Variants in STYK1 observed in about 807,000 individuals in gnomAD.
The protein encoded by STYK1 is tyrosine-protein kinase STYK1.
Under a neutral mutation model 48.1 loss-of-function variants are expected in STYK1, and 46 were observed. The ratio of observed to expected loss-of-function variants is 0.96; its 90% CI spans 0.75 to 1.22. STYK1 has a LOEUF of 1.22. Ranked by LOEUF, STYK1 falls within the 50% of genes most tolerant of loss-of-function variation. The probability of loss-of-function intolerance (pLI) is 0.00; values close to 1 mark genes in which losing one functional copy is unlikely to be tolerated. For missense variants in STYK1, 527 were observed against 521.1 expected (o/e 1.01, Z -0.11); for synonymous variants, 188 against 189.0 (o/e 0.99, Z 0.04).
intron 1 of STYK1, among the ~76,000 whole-genome samples, chr12:10,663,174 G>T (rs1947795569): frequency 6.6e-6 from 1 of 152,106 alleles, no homozygotes; most frequent in African/African-American, 2.4e-5. Flanking sequence ...GAGTGCAATG[G>T]TGTGATCAGA....
chr12:10,656,151 T>C (rs1257199310), intron 1 of STYK1, among the ~76,000 whole-genome samples: 3 of 152,268 alleles, frequency 2.0e-5, no homozygotes, highest in South Asian at 2.1e-4. Context: ...AGTGGGAGTT[T>C]CCCTGCACAA....
rs1319765447 is a variant in STYK1, at chr12:10,624,765, C to G, written c.812G>C (p.Gly271Ala). The change falls in exon 8 of 11, where the codon GGC (glycine) becomes GCC (alanine). Residue 271 changes from glycine (G) to alanine (A), a missense_variant. Transcript: ENST00000075503. ...TCGGGTGTAAACTTCATAAGCCAGG[C>G]CTAATCCACAGAGCTTAGCAGTGAG... The part of the protein sequence containing the change: ...SDLTAKLCGL[G>A]LAYEVYTRGA... The G allele has an allele frequency of 1.2e-6, 2 of 1,614,074 alleles. No individual in the cohort carries two copies. The highest frequency in any genetic ancestry group is 2.2e-5 in the South Asian group (2 of 91,074).
chr12:10,630,700 T>C (rs1465587974), intron 5 of STYK1, among the ~76,000 whole-genome samples: 1 of 151,984 alleles, frequency 6.6e-6, no homozygotes, highest in East Asian at 1.9e-4. Flanking sequence ...CCAATATCCT[T>C]TCATGATAAA....
chr12:10,622,059 G>A (rs2120589020), intron 9 of STYK1, 87 bp from the exon 10 acceptor site: 1 of 1,163,842 alleles, frequency 8.6e-7, no homozygotes, highest in Non-Finnish European at 1.3e-6. Context: ...TGGGTTGGTT[G>A]CTTGCAAAAG....
At chr12:10,646,397 G>T (rs1252365548) in intron 1 of STYK1, among the ~76,000 whole-genome samples, 1 of 152,176 alleles carries the variant, frequency 6.6e-6, no homozygotes, top group African/African-American at 2.4e-5. Context: ...GGTGGCATTT[G>T]CCCCTGCCCT....
chr12:10,642,390 A>C (rs191135054), intron 1 of STYK1, among the ~76,000 whole-genome samples: 1 of 152,318 alleles, frequency 6.6e-6, no homozygotes, highest in East Asian at 1.9e-4. Context: ...AGTGCTGCTG[A>C]TGATAACTAC....
intron 6 of STYK1, among the ~76,000 whole-genome samples, chr12:10,628,047 T>G (rs1343103655): frequency 6.6e-6 from 1 of 152,234 alleles, no homozygotes; most frequent in Non-Finnish European, 1.5e-5. Context: ...CACACATGTG[T>G]TCATGATTAA....
chr12:10,623,721 C>T (rs1369044983), intron 8 of STYK1, among the ~76,000 whole-genome samples: 1 of 152,022 alleles, frequency 6.6e-6, no homozygotes, highest in African/African-American at 2.4e-5. Flanking sequence ...GGAAAAGTAA[C>T]ATCAAAAGTC....
At chr12:10,639,446 T>C (rs1323549292) in intron 1 of STYK1, among the ~76,000 whole-genome samples, 1 of 151,986 alleles carries the variant, frequency 6.6e-6, no homozygotes, top group Non-Finnish European at 1.5e-5. Flanking sequence ...GGAGTCTCGC[T>C]GTTGTGGGCC....
intron 7 of STYK1, among the ~76,000 whole-genome samples, chr12:10,625,206 T>TTTGTTTG (rs1565558921): frequency 2.0e-4 from 29 of 145,982 alleles, no homozygotes; most frequent in Admixed American, 9.6e-4. Flanking sequence ...TTCTTTCTTT[T>TTTGTTTG]TTTGTTTGTT....
chr12:10,631,442 T>A, intron 4 of STYK1, 134 bp from the exon 5 acceptor site: 1 of 1,104,490 alleles, frequency 9.1e-7, no homozygotes, highest in Non-Finnish European at 1.3e-6. Flanking sequence ...CTTCTGATGC[T>A]TCTCTATAAA....
In STYK1 at chr12:10,627,659, C is replaced by T; in HGVS notation, c.699G>A (p.Lys233=). 6.2e-7 allele frequency: 1 copy of T among 1,613,808 alleles called. No homozygotes were observed. The highest frequency in any genetic ancestry group is 8.5e-7 in the Non-Finnish European group (1 of 1,179,902). The change falls in exon 7 of 11, where the codon AAG becomes AAA. Residue 233 remains lysine, a synonymous_variant. Coordinates refer to ENST00000075503, the MANE Select transcript of STYK1 (RefSeq NM_018423.3). ...LTEKQVYHIG[K]QVLLALEFLQ... ...ATCTTACCAGCGCCAAAAGGACCTG[C>T]TTTCCGATGTGATATACTTGTTTTT...
Position 10,646,878 on chromosome 12 carries a change from G to C in STYK1, c.-194-9682C>G, listed in dbSNP as rs945494487. Among the ~76,000 whole-genome samples, 3 of 152,236 alleles carry C rather than the reference G, an allele frequency of 2.0e-5. No homozygotes were observed. In the East Asian group the frequency reaches 5.8e-4, roughly 29 times the overall value. The stretch of plus-strand genomic sequence containing the variant: ...ACAGCTTGGGCTGTTGCTTCAGAGA[G>C]TGAAAGCCCCAAGCCTTGGCAGCTT... On this transcript the variant is annotated intron_variant, in intron 1 of 10. Coordinates refer to ENST00000075503, the MANE Select transcript of STYK1 (RefSeq NM_018423.3).
At chr12:10,648,044 G>A (rs1405804711) in intron 1 of STYK1, among the ~76,000 whole-genome samples, 1 of 152,122 alleles carries the variant, frequency 6.6e-6, no homozygotes, top group Non-Finnish European at 1.5e-5. Flanking sequence ...TAGAGATTAT[G>A]ATGATTATAA....
intron 1 of STYK1, among the ~76,000 whole-genome samples, chr12:10,649,756 A>G (rs1947639550): frequency 6.6e-6 from 1 of 152,222 alleles, no homozygotes; most frequent in Non-Finnish European, 1.5e-5. Flanking sequence ...CCAAGAGGGA[A>G]AACAATCTTC....
chr12:10,661,196 A>T (rs1428419551), intron 1 of STYK1, among the ~76,000 whole-genome samples: 1 of 152,256 alleles, frequency 6.6e-6, no homozygotes, highest in Admixed American at 6.5e-5. Flanking sequence ...AAAATTCCAG[A>T]GGAAAATCCT....
intron 1 of STYK1, among the ~76,000 whole-genome samples, chr12:10,665,415 G>A (rs910783456): frequency 3.3e-5 from 5 of 152,184 alleles, no homozygotes; most frequent in African/African-American, 9.7e-5. Flanking sequence ...TTTACTGGTG[G>A]GGGAATTAAG....
chr12:10,620,595 G>T (rs532900514), intron 10 of STYK1, among the ~76,000 whole-genome samples: 2 of 152,262 alleles, frequency 1.3e-5, no homozygotes, highest in East Asian at 1.9e-4. Flanking sequence ...CCAAACTAGG[G>T]TATGACAGGA....
chr12:10,645,307 G>T (rs890657838), intron 1 of STYK1, among the ~76,000 whole-genome samples: 1 of 152,148 alleles, frequency 6.6e-6, no homozygotes, highest in Non-Finnish European at 1.5e-5. Flanking sequence ...AATGTGTTTA[G>T]GGGGCTCTTC....
Sources: allele counts gnomAD v4.1 joint callset (sites outside exome capture counted in the v4.1 genomes callset), GRCh38; gene constraint gnomAD v4.1.1; transcripts MANE v1.5; gene names NCBI Gene and HGNC (gene_info 2026-07-23, HGNC 2026-07-21).